The following TNFSF4 variants were observed in gnomAD, a reference collection of about 807,000 sequenced individuals.
TNFSF4 encodes the protein TNF superfamily member 4.
A neutral mutation model predicts 7.3 loss-of-function variants in TNFSF4; 4 were observed. The ratio of observed to expected loss-of-function variants is 0.55; its 90% CI spans 0.27 to 1.25. TNFSF4 has a LOEUF of 1.25. Ranked by LOEUF, TNFSF4 falls within the 50% of genes most tolerant of loss-of-function variation. The pLI is 0.12. For synonymous variants in TNFSF4, 76 were observed against 83.7 expected, an observed-to-expected ratio of 0.91 and a Z score of 0.50; for missense variants, 181 against 208.8, an observed-to-expected ratio of 0.87 and a Z score of 0.82.
At chr1:173,412,622 T>G in the TNFSF4 span, among the ~76,000 whole-genome samples, 1 of 152,194 alleles carries the variant, frequency 6.6e-6, no homozygotes, top group Non-Finnish European at 1.5e-5. Context: ...AATAAAGAAC[T>G]GCTGCAAGTC....
chr1:173,429,696 AG>A, the TNFSF4 span, among the ~76,000 whole-genome samples: 23 of 152,320 alleles, frequency 1.5e-4, no homozygotes, highest in African/African-American at 5.1e-4. Flanking sequence ...ATGTTTGAGA[AG>A]GGAGAGAGGA....
At chr1:173,412,792 G>A in the TNFSF4 span, among the ~76,000 whole-genome samples, 1 of 152,194 alleles carries the variant, frequency 6.6e-6, no homozygotes, top group South Asian at 2.1e-4. Context: ...GGGAGGTGCT[G>A]GGCTGATGGA....
chr1:173,216,810 C>T, the TNFSF4 span, among the ~76,000 whole-genome samples: 5 of 152,200 alleles, frequency 3.3e-5, no homozygotes, highest in Admixed American at 3.3e-4. Flanking sequence ...CAGCTTTCTA[C>T]AAATTGGCTC....
chr1:173,278,436 A>G, the TNFSF4 span, among the ~76,000 whole-genome samples: 1 of 152,052 alleles, frequency 6.6e-6, no homozygotes, highest in African/African-American at 2.4e-5. Flanking sequence ...TCAGGTTCCA[A>G]CTGGCATGGA....
the TNFSF4 span, among the ~76,000 whole-genome samples, chr1:173,378,603 T>C: frequency 6.6e-6 from 1 of 152,090 alleles, no homozygotes; most frequent in Non-Finnish European, 1.5e-5. Flanking sequence ...CTGAGGGAAG[T>C]ATAAATTACA....
the TNFSF4 span, among the ~76,000 whole-genome samples, chr1:173,254,944 G>T: frequency 3.3e-5 from 5 of 152,186 alleles, no homozygotes; most frequent in Non-Finnish European, 5.9e-5. Flanking sequence ...CAGTGCACTG[G>T]TTCTCAAACT....
At chr1:173,189,732 G>A (rs1649393965) in intron 1 of TNFSF4, among the ~76,000 whole-genome samples, 1 of 152,040 alleles carries the variant, frequency 6.6e-6, no homozygotes, top group Non-Finnish European at 1.5e-5. Context: ...TGTGGGCATT[G>A]AAAGAATATA....
the TNFSF4 span, among the ~76,000 whole-genome samples, chr1:173,325,182 A>G: frequency 2.6e-5 from 4 of 152,262 alleles, no homozygotes; most frequent in Admixed American, 2.6e-4. Context: ...CCACAGTGCA[A>G]TCAAACTAGA....
chr1:173,379,448 C>T, the TNFSF4 span, among the ~76,000 whole-genome samples: 60 of 152,324 alleles, frequency 3.9e-4, no homozygotes, highest in African/African-American at 1.4e-3. Context: ...GAAGATCCTT[C>T]TGCCTCCCTC....
the TNFSF4 span, among the ~76,000 whole-genome samples, chr1:173,268,516 A>C: frequency 6.6e-6 from 1 of 152,090 alleles, no homozygotes; most frequent in African/African-American, 2.4e-5. Context: ...AGCAACCACT[A>C]AGAAAACTAC....
At chr1:173,235,124 A>C in the TNFSF4 span, among the ~76,000 whole-genome samples, 3 of 152,208 alleles carry the variant, frequency 2.0e-5, no homozygotes, top group African/African-American at 7.2e-5. Context: ...CAGAGAAGTC[A>C]CTGAATTAAA....
the TNFSF4 span, among the ~76,000 whole-genome samples, chr1:173,366,666 G>A: frequency 6.6e-6 from 1 of 152,270 alleles, no homozygotes; most frequent in South Asian, 2.1e-4. Context: ...ATAAATGCTT[G>A]AGGTAATGGA....
chr1:173,356,464 T>C, the TNFSF4 span, among the ~76,000 whole-genome samples: 1 of 152,230 alleles, frequency 6.6e-6, no homozygotes, highest in African/African-American at 2.4e-5. Flanking sequence ...TCTTTCATTT[T>C]TCGTAATGCA....
chr1:173,194,624 T>C (rs1243633216), intron 1 of TNFSF4, among the ~76,000 whole-genome samples: 6 of 152,132 alleles, frequency 3.9e-5, no homozygotes, highest in Non-Finnish European at 2.9e-5. Context: ...AGCTCACACC[T>C]GTAATCCCAG....
chr1:173,238,152 T>C, the TNFSF4 span, among the ~76,000 whole-genome samples: 4 of 152,108 alleles, frequency 2.6e-5, no homozygotes, highest in African/African-American at 9.7e-5. Flanking sequence ...AAACAAGCAA[T>C]GGTAAAAGGA....
chr1:173,298,291 A>T, the TNFSF4 span, among the ~76,000 whole-genome samples: 2 of 151,636 alleles, frequency 1.3e-5, no homozygotes, highest in African/African-American at 4.8e-5. Flanking sequence ...TCTCAGTAAT[A>T]TGATTGCTGT....
the TNFSF4 span, among the ~76,000 whole-genome samples, chr1:173,246,914 C>T: frequency 1.3e-5 from 2 of 152,190 alleles, no homozygotes; most frequent in Non-Finnish European, 1.5e-5. Context: ...CAAGAACTTG[C>T]CAAACTTGGC....
the TNFSF4 span, among the ~76,000 whole-genome samples, chr1:173,361,813 T>C: frequency 1.3e-5 from 2 of 152,178 alleles, no homozygotes; most frequent in Admixed American, 6.6e-5. Flanking sequence ...AAAGCACATA[T>C]AATTTCAGGA....
At chr1:173,382,295 G>A in the TNFSF4 span, among the ~76,000 whole-genome samples, 1 of 152,060 alleles carries the variant, frequency 6.6e-6, no homozygotes, top group East Asian at 1.9e-4. Flanking sequence ...GCTAGACCAC[G>A]AACCCACCAG....
Sources: allele counts gnomAD v4.1 joint callset (sites outside exome capture counted in the v4.1 genomes callset), GRCh38; gene constraint gnomAD v4.1.1; transcripts MANE v1.5; gene names NCBI Gene and HGNC (gene_info 2026-07-23, HGNC 2026-07-21).